The following JPT1 variants were observed in gnomAD, a reference collection of about 807,000 sequenced individuals.
The protein encoded by JPT1 is androgen-regulated protein 2.
A neutral mutation model predicts 17.0 loss-of-function variants in JPT1; 5 were observed. The observed-to-expected ratio is 0.29, with a 90% CI of 0.15 to 0.62. JPT1 has a LOEUF of 0.62. Among genes scored for constraint, JPT1 ranks in the 20% least tolerant of loss-of-function variants. The pLI is 0.85. For missense variants in JPT1, 158 were observed against 188.1 expected (o/e 0.84, Z 0.94); for synonymous variants, 71 against 73.6 (o/e 0.96, Z 0.18).
At chr17:75,154,279 G>C (rs1598213232) in intron 1 of JPT1, 63 bp downstream of exon 1, 2 of 1,342,000 alleles carry the variant, frequency 1.5e-6, no homozygotes, top group South Asian at 2.8e-5. Context: ...GCGAGGCCCC[G>C]CCGGCAGCGG....
chr17:75,147,088 C>G (rs114061414), intron 3 of JPT1, among the ~76,000 whole-genome samples: 2,046 of 152,146 alleles, frequency 0.013, 43 homozygotes, highest in African/African-American at 0.046. Context: ...GTTCTCTCCC[C>G]ACTCAGACAG....
At position 75,154,496 on chromosome 17, in the gene JPT1, C is replaced by T. The variant is rs1388615469; in HGVS notation, c.-99G>A. On this transcript the variant is annotated 5_prime_UTR_variant, in exon 1 of 5. Coordinates refer to ENST00000409753, the MANE Select transcript of JPT1 (RefSeq NM_016185.4). ...CTCCACACCCAACAGCCGACCACCG[C>T]TGCAGGAGCCGCCGCTGCCGCCTGT... 8.1e-6 allele frequency: 9 copies of T among 1,113,678 alleles called. No homozygotes were observed. The highest frequency in any genetic ancestry group is 1.0e-5 in the Non-Finnish European group (8 of 788,024). The allele number at this position is 1,113,678 out of a possible 1,614,324, so 69.0% of individuals were successfully genotyped here. A position where few individuals can be genotyped will look rare whatever the true frequency, so the allele number is the denominator to read the frequency against.
At chr17:75,149,183 T>C in intron 1 of JPT1, 1 of 485,140 alleles carries the variant, frequency 2.1e-6, no homozygotes, top group Non-Finnish European at 3.7e-6. Flanking sequence ...AGACCCCGTG[T>C]CTCTATAAAA....
intron 1 of JPT1, among the ~76,000 whole-genome samples, chr17:75,151,342 ATAATGATAAT>A (rs1291197555): frequency 6.6e-6 from 1 of 151,050 alleles, no homozygotes; most frequent in Non-Finnish European, 1.5e-5. Flanking sequence ...TCTCAAAATA[ATAATGATAAT>A]AATAATAATA....
intron 2 of JPT1, chr17:75,148,030 G>A: frequency 4.5e-6 from 1 of 224,684 alleles, no homozygotes; most frequent in Non-Finnish European, 8.9e-6. Flanking sequence ...AAAAACTTCA[G>A]CAATTGACGT....
intron 4 of JPT1, among the ~76,000 whole-genome samples, chr17:75,137,735 C>T (rs1190822110): frequency 7.3e-6 from 1 of 136,992 alleles, no homozygotes; most frequent in African/African-American, 3.0e-5. Flanking sequence ...TTAACCTCTG[C>T]CTCCTGGGTT....
At position 75,147,661 on chromosome 17, in the gene JPT1, T is replaced by G; in HGVS notation, c.200-8A>C. 6.2e-7 allele frequency: 1 copy of G among 1,602,024 alleles called. No individual in the cohort carries two copies. The highest frequency in any genetic ancestry group is 2.2e-5 in the East Asian group (1 of 44,818). On this transcript the variant is annotated splice_region_variant and splice_polypyrimidine_tract_variant and intron_variant, in intron 2 of 4. Coordinates refer to ENST00000409753, the MANE Select transcript of JPT1 (RefSeq NM_016185.4). ...CACCACTAGACTTGGCACCTAAAAA[T>G]CAAAATATACTTTCTTCAGAAATAC... is the stretch of plus-strand genomic sequence containing the variant.
chr17:75,142,675 C>CG (rs1453441395), intron 4 of JPT1: 1 of 299,550 alleles, frequency 3.3e-6, no homozygotes, highest in Non-Finnish European at 6.3e-6. Context: ...AGGAAGGGAA[C>CG]GGGAAGGGAT....
Position 75,147,512 on chromosome 17 carries a change from A to G in JPT1, c.297+44T>C, listed in dbSNP as rs892291774. 2.2e-6 allele frequency: 3 copies of G among 1,341,702 alleles called. No homozygotes were observed. The African/African-American group carries it at 4.3e-5, about 19-fold the overall frequency. 83.1% of individuals were successfully genotyped at this position (1,341,702 alleles called of 1,614,324 possible). A position where few individuals can be genotyped will look rare whatever the true frequency, so the allele number is the denominator to read the frequency against. ...AACTCTTAGTACAAATTTCAGAATC[A>G]TATTGACCTGAAAGCCTTTCTGGCC... On this transcript the variant is annotated intron_variant, in intron 3 of 4. Coordinates refer to ENST00000409753, the MANE Select transcript of JPT1 (RefSeq NM_016185.4).
At chr17:75,137,865 C>A (rs959794461) in intron 4 of JPT1, among the ~76,000 whole-genome samples, 1 of 151,874 alleles carries the variant, frequency 6.6e-6, no homozygotes, top group African/African-American at 2.4e-5. Flanking sequence ...CCAGGCTGGT[C>A]TCAAACTCCT....
intron 4 of JPT1, chr17:75,141,299 T>C (rs2074302993): frequency 6.6e-6 from 1 of 152,168 alleles, no homozygotes; most frequent in Admixed American, 6.5e-5. Flanking sequence ...GTGCCCCTTT[T>C]CATTTTAAGA....
chr17:75,148,673 T>C lies in JPT1; in HGVS notation c.57-2A>G. ...CCACCACCTGGAGGCCGCAAAACTC[T>C]GCAAATAATGGCAAAACATCAACTT... On this transcript the variant is annotated splice_acceptor_variant, in intron 1 of 4. Transcript: ENST00000409753. LOFTEE classifies it high-confidence loss of function. The C allele has an allele frequency of 6.2e-7, 1 of 1,613,642 alleles. No individual in the cohort carries two copies. Among genetic ancestry groups the C allele is most frequent in the Non-Finnish European group, 8.5e-7 (1 of 1,179,910 alleles).
chr17:75,147,483 C>A (rs1052250569), intron 3 of JPT1, 73 bp downstream of exon 3: 1 of 1,061,434 alleles, frequency 9.4e-7, no homozygotes, highest in Non-Finnish European at 1.5e-6. Context: ...AGTGGGTGAA[C>A]TGAAACTCTT....
In JPT1 at chr17:75,149,569, G is replaced by A. The variant is rs536364970; in HGVS notation, c.57-898C>T. 1.7e-3 allele frequency among the ~76,000 whole-genome samples: 253 copies of A among 151,674 alleles called. 1 individual carries two copies. Among genetic ancestry groups the A allele is most frequent in the African/African-American group, 6.0e-3 (250 of 41,362 alleles). ...TTTTTAGTAGAGACGGGGTTTCACCGTGTTAGCCAGGATGCTCTTGATCTC... is the reference window on the plus strand; with the variant it reads ...TTTTTAGTAGAGACGGGGTTTCACCATGTTAGCCAGGATGCTCTTGATCTC... On this transcript the variant is annotated intron_variant, in intron 1 of 4. Transcript: ENST00000409753.
chr17:75,153,035 G>A (rs1403050529), intron 1 of JPT1: 1 of 152,174 alleles, frequency 6.6e-6, no homozygotes, highest in Non-Finnish European at 1.5e-5. Context: ...ACCCCTGTGA[G>A]ATATGGCTAT....
At chr17:75,146,567 C>T in intron 4 of JPT1, 99 bp downstream of exon 4, 1 of 890,460 alleles carries the variant, frequency 1.1e-6, no homozygotes, top group Admixed American at 2.7e-5. Context: ...CCAGGTTTCA[C>T]TCCCCAGTCT....
At chr17:75,146,150 T>C (rs2074429133) in intron 4 of JPT1, among the ~76,000 whole-genome samples, 1 of 152,042 alleles carries the variant, frequency 6.6e-6, no homozygotes, top group African/African-American at 2.4e-5. Flanking sequence ...TTTAGATATA[T>C]TTTGGTTTAG....
chr17:75,151,517 G>A lies in JPT1; in HGVS notation c.56+2825C>T, dbSNP rs990011536. Among the ~76,000 whole-genome samples, 4 of 152,106 alleles carry A rather than the reference G, an allele frequency of 2.6e-5. 1 individual carries two copies. The highest frequency in any genetic ancestry group is 9.7e-5 in the African/African-American group (4 of 41,434). On this transcript the variant is annotated intron_variant, in intron 1 of 4. Transcript: ENST00000409753. ...ACAAATGTACAAAAATTAGCTGGGCGTGGTGGCACATGCCTGTAGTCCCGA... is the reference window on the plus strand; with the variant it reads ...ACAAATGTACAAAAATTAGCTGGGCATGGTGGCACATGCCTGTAGTCCCGA...
At chr17:75,137,527 TG>T (rs377606776) in intron 4 of JPT1, among the ~76,000 whole-genome samples, 68 of 146,640 alleles carry the variant, frequency 4.6e-4, no homozygotes, top group African/African-American at 6.8e-4. Flanking sequence ...TGGCTATTTT[TG>T]TTTTTTTTTT....
Sources: allele counts gnomAD v4.1 joint callset (sites outside exome capture counted in the v4.1 genomes callset), GRCh38; gene constraint gnomAD v4.1.1; transcripts MANE v1.5; gene names NCBI Gene and HGNC (gene_info 2026-07-23, HGNC 2026-07-21).